Variants in MAP2K6 observed in about 807,000 individuals in gnomAD.
The protein encoded by MAP2K6 is dual specificity mitogen-activated protein kinase kinase 6.
A neutral mutation model predicts 53.7 loss-of-function variants in MAP2K6; 16 were observed. That is an observed-to-expected ratio of 0.30 (90% CI 0.20 to 0.45). The LOEUF (loss-of-function observed/expected upper bound fraction) is 0.45, where lower values mean the gene tolerates loss of function less well. Among genes scored for constraint, MAP2K6 ranks in the 20% least tolerant of loss-of-function variants. MAP2K6 has a pLI of 1.00. For synonymous variants in MAP2K6, 132 were observed against 143.1 expected (o/e 0.92, Z 0.55); for missense variants, 204 against 411.9 (o/e 0.50, Z 4.37).
chr17:69,491,633 G>A (rs1267034878), intron 1 of MAP2K6, among the ~76,000 whole-genome samples: 2 of 152,096 alleles, frequency 1.3e-5, no homozygotes, highest in Non-Finnish European at 2.9e-5. Context: ...AGCTCTTTGA[G>A]GAATAGCCAC....
intron 1 of MAP2K6, among the ~76,000 whole-genome samples, chr17:69,441,534 G>C (rs1906819903): frequency 1.3e-5 from 2 of 151,998 alleles, no homozygotes; most frequent in African/African-American, 4.8e-5. Context: ...ATTTGTTTCA[G>C]GCATATTCAA....
intron 1 of MAP2K6, among the ~76,000 whole-genome samples, chr17:69,447,476 G>A (rs1907008873): frequency 6.6e-6 from 1 of 151,962 alleles, no homozygotes; most frequent in Non-Finnish European, 1.5e-5. Context: ...CTCCCGAGTA[G>A]CTGGAATTAC....
chr17:69,500,913 C>T (rs1909146549), intron 1 of MAP2K6, among the ~76,000 whole-genome samples: 1 of 152,208 alleles, frequency 6.6e-6, no homozygotes, highest in South Asian at 2.1e-4. Flanking sequence ...TTCACTTTTA[C>T]ATTGCTGTTG....
chr17:69,507,464 T>C (rs1909563752), intron 2 of MAP2K6, among the ~76,000 whole-genome samples: 1 of 152,166 alleles, frequency 6.6e-6, no homozygotes, highest in African/African-American at 2.4e-5. Context: ...TATGCTCCCC[T>C]CTTATAATCA....
At chr17:69,501,542 G>A (rs1378682420) in intron 1 of MAP2K6, among the ~76,000 whole-genome samples, 1 of 152,162 alleles carries the variant, frequency 6.6e-6, no homozygotes, top group East Asian at 1.9e-4. Context: ...CTCCAGGCCA[G>A]GATTATAATG....
intron 1 of MAP2K6, chr17:69,485,574 C>G (rs1332218294): frequency 2.3e-6 from 1 of 437,866 alleles, no homozygotes; most frequent in Non-Finnish European, 3.0e-6. Flanking sequence ...GCTTAGGACC[C>G]CATGGGAAAT....
At chr17:69,437,820 G>A (rs1906696914) in intron 1 of MAP2K6, among the ~76,000 whole-genome samples, 1 of 152,176 alleles carries the variant, frequency 6.6e-6, no homozygotes, top group Non-Finnish European at 1.5e-5. Flanking sequence ...TCCTATAAAT[G>A]GAATTATACA....
chr17:69,431,434 A>G (rs1906458773), intron 1 of MAP2K6, among the ~76,000 whole-genome samples: 1 of 152,154 alleles, frequency 6.6e-6, no homozygotes, highest in Non-Finnish European at 1.5e-5. Context: ...ATAGGTTGTG[A>G]GGAGATGGCA....
At chr17:69,492,561 T>C (rs938973175) in intron 1 of MAP2K6, among the ~76,000 whole-genome samples, 1 of 152,198 alleles carries the variant, frequency 6.6e-6, no homozygotes, top group Non-Finnish European at 1.5e-5. Context: ...GTGAAGGTAT[T>C]GGCATGTCAG....
chr17:69,525,084 G>T, intron 9 of MAP2K6, 106 bp downstream of exon 9: 1 of 816,736 alleles, frequency 1.2e-6, no homozygotes, highest in Non-Finnish European at 2.1e-6. Context: ...GGTTTGGGGC[G>T]CCCTCTCCTG....
intron 2 of MAP2K6, among the ~76,000 whole-genome samples, chr17:69,512,207 A>G (rs919260960): frequency 2.6e-5 from 4 of 151,920 alleles, no homozygotes. Flanking sequence ...TCAGACTGGT[A>G]GAGGCTGTGA....
chr17:69,448,080 C>A (rs942912860), intron 1 of MAP2K6, among the ~76,000 whole-genome samples: 1 of 152,126 alleles, frequency 6.6e-6, no homozygotes, highest in Admixed American at 6.5e-5. Context: ...TCTTTAAATG[C>A]CTCTTCTATC....
rs576284289 is a variant in MAP2K6 at position 69,440,943 on chromosome 17, G to A, written c.16+25943G>A. On this transcript the variant is annotated intron_variant, in intron 1 of 11. Transcript: ENST00000590474. Reference sequence around the variant, plus strand: ...TTTCTTTGAGTTTAAACTATTTGGAGTTTGCACAGCATGAATCCATAGGGG... The same window carrying A: ...TTTCTTTGAGTTTAAACTATTTGGAATTTGCACAGCATGAATCCATAGGGG... Among the ~76,000 whole-genome samples, 5 of 152,160 alleles carry A rather than the reference G, an allele frequency of 3.3e-5. No individual in the cohort carries two copies. In the South Asian group the frequency reaches 1.0e-3, roughly 32 times the overall value.
intron 2 of MAP2K6, 89 bp from the exon 3 acceptor site, chr17:69,516,766 G>T: frequency 1.1e-6 from 1 of 919,928 alleles, no homozygotes; most frequent in Admixed American, 2.3e-5. Flanking sequence ...TCTTCTTAAG[G>T]AAAAAATATC....
At chr17:69,438,874 C>T (rs1001175821) in intron 1 of MAP2K6, among the ~76,000 whole-genome samples, 83 of 152,220 alleles carry the variant, frequency 5.5e-4, no homozygotes, top group African/African-American at 1.9e-3. Context: ...CATGAGCCAC[C>T]GCGCCCAGCT....
chr17:69,428,176 A>G (rs1567814499), intron 1 of MAP2K6, among the ~76,000 whole-genome samples: 1 of 152,240 alleles, frequency 6.6e-6, no homozygotes, highest in Non-Finnish European at 1.5e-5. Flanking sequence ...GAGCTACTGT[A>G]ACAAAGTACC....
chr17:69,488,206 C>T (rs1164411477), intron 1 of MAP2K6, among the ~76,000 whole-genome samples: 1 of 152,096 alleles, frequency 6.6e-6, no homozygotes, highest in African/African-American at 2.4e-5. Context: ...CACTAATCAT[C>T]AGAGAAATGC....
intron 1 of MAP2K6, among the ~76,000 whole-genome samples, chr17:69,491,423 T>C (rs1908749684): frequency 6.6e-6 from 1 of 152,112 alleles, no homozygotes; most frequent in African/African-American, 2.4e-5. Flanking sequence ...GGATTACAGG[T>C]GTGAGCCACT....
chr17:69,438,815 G>A (rs1014172339), intron 1 of MAP2K6, among the ~76,000 whole-genome samples: 3 of 152,056 alleles, frequency 2.0e-5, no homozygotes, highest in Non-Finnish European at 2.9e-5. Flanking sequence ...GAACTCCTCG[G>A]CTCAAGAGGT....
Sources: allele counts gnomAD v4.1 joint callset (sites outside exome capture counted in the v4.1 genomes callset), GRCh38; gene constraint gnomAD v4.1.1; transcripts MANE v1.5; gene names NCBI Gene and HGNC (gene_info 2026-07-23, HGNC 2026-07-21).